The following DNAJC13 variants were observed in gnomAD, a reference collection of about 807,000 sequenced individuals.
DNAJC13 encodes dnaJ homolog subfamily C member 13.
Under a neutral mutation model 290.5 loss-of-function variants are expected in DNAJC13, and 75 were observed. That is an observed-to-expected ratio of 0.26 (90% CI 0.21 to 0.31). The LOEUF is 0.31. Ranked by LOEUF, DNAJC13 falls within the 10% of genes least tolerant of loss-of-function variation. DNAJC13 has a pLI of 1.00. For synonymous variants in DNAJC13, 862 were observed against 892.0 expected (o/e 0.97, Z 0.60); for missense variants, 2,260 against 2,674.5 (o/e 0.85, Z 3.42).
chr3:132,448,077 T>C (rs1397244796), intron 5 of DNAJC13, 138 bp downstream of exon 5: 14 of 580,710 alleles, frequency 2.4e-5, no homozygotes, highest in Admixed American at 9.9e-5. Context: ...TCTCCTGATA[T>C]CATGTTATGT....
intron 55 of DNAJC13, among the ~76,000 whole-genome samples, chr3:132,537,618 GC>G (rs1936637178): frequency 6.6e-6 from 1 of 152,184 alleles, no homozygotes; most frequent in Non-Finnish European, 1.5e-5. Flanking sequence ...CTTTCACATA[GC>G]ATTCTTGTTT....
At chr3:132,504,310 G>GT (rs10563201) in intron 41 of DNAJC13, among the ~76,000 whole-genome samples, 2,593 of 140,266 alleles carry the variant, frequency 0.018, 70 homozygotes, top group African/African-American at 0.057. Flanking sequence ...GATGCTACTG[G>GT]TTTTTTTTTT....
chr3:132,505,102 A>AT, intron 41 of DNAJC13, among the ~76,000 whole-genome samples, 200 bp from the exon 42 acceptor site: 1 of 152,292 alleles, frequency 6.6e-6, no homozygotes, highest in South Asian at 2.1e-4. Flanking sequence ...TAATTTAATG[A>AT]TTTGCAGTCT....
chr3:132,523,932 T>G (rs1936173191), intron 51 of DNAJC13: 1 of 465,874 alleles, frequency 2.1e-6, no homozygotes. Flanking sequence ...TATAGAGATA[T>G]CTATATTGAG....
rs995599478 is a variant in DNAJC13 at position 132,498,692 on chromosome 3, C to CT, written c.4157-425dup. Among the ~76,000 whole-genome samples, 7 of 151,036 alleles carry CT rather than the reference C, an allele frequency of 4.6e-5. No individual in the cohort carries two copies. In the East Asian group the frequency reaches 7.8e-4, roughly 17 times the overall value. On this transcript the variant is annotated intron_variant, in intron 36 of 55. Coordinates refer to ENST00000260818, the MANE Select transcript of DNAJC13 (RefSeq NM_015268.4). ...AAGATGTTAAGATAAAATATTTTATCTTTTTTTTTACGTTTTATTTTATTT... is the reference window on the plus strand; with the variant it reads ...AAGATGTTAAGATAAAATATTTTATCTTTTTTTTTTACGTTTTATTTTATTT...
At chr3:132,505,464 C>A (rs1435245838) in intron 42 of DNAJC13, 49 bp downstream of exon 42, 5 of 1,220,438 alleles carry the variant, frequency 4.1e-6, no homozygotes, top group Non-Finnish European at 6.0e-6. Context: ...CTGATGGAAT[C>A]TCTGGAAGTA....
chr3:132,536,791 G>C (rs1936604168), intron 55 of DNAJC13, among the ~76,000 whole-genome samples: 1 of 152,114 alleles, frequency 6.6e-6, no homozygotes, highest in Admixed American at 6.5e-5. Context: ...ACTGTGAAAG[G>C]CCTGGCATCC....
Position 132,503,335 on chromosome 3 carries a change from T to A in DNAJC13, c.4838T>A (p.Leu1613Gln). 1.2e-6 allele frequency: 2 copies of A among 1,614,176 alleles called. No homozygotes were observed. The highest frequency in any genetic ancestry group is 1.7e-6 in the Non-Finnish European group (2 of 1,179,984). Residue 1613 changes from leucine (L) to glutamine (Q), a missense_variant, in exon 41 of 56, where the codon CTG becomes CAG. By Grantham distance (113) the Leu-to-Gln change is moderately radical (BLOSUM62 -2). Around this residue, in one of 3 missense-constraint regions of DNAJC13, gnomAD observed 1,494 missense variants for 1,693.7 expected, o/e 0.88. Transcript: ENST00000260818. ...ATAAGGAAAAGCTTAGCTGGCATGC[T>A]GACACCCTATGTTGCTAGAAAACTT... is the stretch of plus-strand genomic sequence containing the variant. ...PTIRKSLAGM[L>Q]TPYVARKLAV... is the part of the protein sequence containing the mutation.
chr3:132,490,575 C>T (rs1279777348), intron 31 of DNAJC13, among the ~76,000 whole-genome samples: 1 of 152,136 alleles, frequency 6.6e-6, no homozygotes, highest in Non-Finnish European at 1.5e-5. Context: ...TTGGGATATT[C>T]CTTCTGTTAT....
At chr3:132,512,815 TCTAACA>T (rs1234301032) in intron 44 of DNAJC13, among the ~76,000 whole-genome samples, 187 bp from the exon 45 acceptor site, 1 of 152,162 alleles carries the variant, frequency 6.6e-6, no homozygotes, top group East Asian at 1.9e-4. Flanking sequence ...CCTAAAAAGC[TCTAACA>T]CCTTACATTT....
At chr3:132,480,523 T>C in intron 26 of DNAJC13, 53 bp downstream of exon 26, 1 of 1,322,746 alleles carries the variant, frequency 7.6e-7, no homozygotes, top group South Asian at 1.2e-5. Context: ...AGTATAATTT[T>C]AGAGGCAAAA....
chr3:132,423,670 A>G (rs2107639164), intron 1 of DNAJC13, among the ~76,000 whole-genome samples: 1 of 152,376 alleles, frequency 6.6e-6, no homozygotes, highest in Admixed American at 6.5e-5. Context: ...GGGATATTTC[A>G]GAACTAAACT....
chr3:132,432,880 C>T (rs1037556185), intron 1 of DNAJC13, among the ~76,000 whole-genome samples: 2 of 152,146 alleles, frequency 1.3e-5, no homozygotes, highest in South Asian at 2.1e-4. Context: ...TTAATCAAAC[C>T]GCCATAGAAG....
At chr3:132,520,223 A>G (rs1936049191) in intron 48 of DNAJC13, among the ~76,000 whole-genome samples, 1 of 152,216 alleles carries the variant, frequency 6.6e-6, no homozygotes, top group Non-Finnish European at 1.5e-5. Context: ...CTGTTGTGAC[A>G]GGAAAATAGC....
At chr3:132,447,809 G>A in intron 4 of DNAJC13, 89 bp from the exon 5 acceptor site, 1 of 1,021,952 alleles carries the variant, frequency 9.8e-7, no homozygotes, top group Non-Finnish European at 1.5e-6. Flanking sequence ...TACCAAGTCA[G>A]GATTTTACTT....
In DNAJC13 at chr3:132,483,372, T is replaced by G; in HGVS notation, c.2980-3T>G. 1 of 1,613,852 alleles carries G rather than the reference T, an allele frequency of 6.2e-7. No homozygotes were observed. The highest frequency in any genetic ancestry group is 8.5e-7 in the Non-Finnish European group (1 of 1,179,776). ...GTTTGTAATAATGCCTTCCATCCAT[T>G]AGATGCAAGAATTGTGGACCAAAGG... On this transcript the variant is annotated splice_region_variant and splice_polypyrimidine_tract_variant and intron_variant, in intron 27 of 55. Coordinates refer to ENST00000260818, the MANE Select transcript of DNAJC13 (RefSeq NM_015268.4).
intron 32 of DNAJC13, among the ~76,000 whole-genome samples, chr3:132,491,402 C>G (rs1249706011): frequency 6.6e-6 from 1 of 152,092 alleles, no homozygotes; most frequent in East Asian, 1.9e-4. Context: ...CTCTGGGTAT[C>G]TGGAAGTAGG....
intron 1 of DNAJC13, among the ~76,000 whole-genome samples, chr3:132,434,245 G>A (rs1225389390): frequency 6.6e-6 from 1 of 151,046 alleles, no homozygotes; most frequent in Non-Finnish European, 1.5e-5. Context: ...AATTAGCCGG[G>A]CGTGGTGGCA....
intron 1 of DNAJC13, among the ~76,000 whole-genome samples, chr3:132,423,878 C>A (rs1190904355): frequency 6.6e-6 from 1 of 152,158 alleles, no homozygotes; most frequent in East Asian, 1.9e-4. Context: ...ATAGGAAAAA[C>A]AGCAACAAGT....
Sources: allele counts gnomAD v4.1 joint callset (sites outside exome capture counted in the v4.1 genomes callset), GRCh38; gene constraint gnomAD v4.1.1; regional missense constraint gnomAD v4.1.1; transcripts MANE v1.5; gene names NCBI Gene and HGNC (gene_info 2026-07-23, HGNC 2026-07-21).